CHRDL2: variants seen among roughly 807,000 people sequenced by gnomAD.
CHRDL2 encodes the protein chordin like 2.
CHRDL2 carries 41 observed loss-of-function variants against 54.3 expected under a neutral mutation model. The observed-to-expected ratio is 0.76, with a 90% CI of 0.59 to 0.98. The LOEUF (loss-of-function observed/expected upper bound fraction) is 0.98. Ranked by LOEUF, CHRDL2 falls within the 50% of genes least tolerant of loss-of-function variation. The pLI is 0.00. For missense variants in CHRDL2, 518 were observed against 562.4 expected, an observed-to-expected ratio of 0.92 and a Z score of 0.80; for synonymous variants, 220 against 224.3, an observed-to-expected ratio of 0.98 and a Z score of 0.17.
intron 6 of CHRDL2, among the ~76,000 whole-genome samples, chr11:74,705,297 T>G (rs1565150346): frequency 6.6e-6 from 1 of 152,186 alleles, no homozygotes; most frequent in Middle Eastern, 3.4e-3. Context: ...AGCTCAGAGT[T>G]TGGGGACTGG....
At chr11:74,727,220 G>T (rs1311991662) in intron 1 of CHRDL2, among the ~76,000 whole-genome samples, 1 of 152,192 alleles carries the variant, frequency 6.6e-6, no homozygotes, top group African/African-American at 2.4e-5. Flanking sequence ...CAGGGTCACA[G>T]TTGGAATTGA....
intron 2 of CHRDL2, 147 bp downstream of exon 2, chr11:74,718,573 A>G: frequency 1.6e-6 from 1 of 610,710 alleles, no homozygotes; most frequent in Non-Finnish European, 2.9e-6. Flanking sequence ...TATATTGAGT[A>G]GTCAGTAGTG....
In CHRDL2 at chr11:74,713,476, C is replaced by T. The variant is rs200485801; in HGVS notation, c.199G>A (p.Ala67Thr). The T allele has an allele frequency of 1.6e-4, 255 of 1,613,722 alleles. No homozygotes were observed. Among genetic ancestry groups the T allele is most frequent in the Non-Finnish European group, 1.9e-4 (220 of 1,179,794 alleles). The change falls in exon 3 of 11, where the codon GCC becomes ACC. Residue 67 changes from alanine (A) to threonine (T), a missense_variant. Ala to Thr is a moderately conservative substitution (Grantham distance 58, BLOSUM62 0). Transcript: ENST00000376332. ...TGGAGGCGGTAACAACTCACATGGG[C>T]GCCCTGAAGGGGACACAAGGGTCAG... ...YCLRCTCSEGAHVSCYRLHCP... is the reference protein window; with the variant it reads ...YCLRCTCSEGTHVSCYRLHCP...
intron 5 of CHRDL2, among the ~76,000 whole-genome samples, chr11:74,707,370 C>T (rs1440363464): frequency 1.3e-5 from 2 of 152,230 alleles, no homozygotes. Flanking sequence ...CACTCCCCTA[C>T]CTGAGTGCCA....
chr11:74,705,191 T>G (rs1484035751), intron 6 of CHRDL2, among the ~76,000 whole-genome samples: 1 of 152,094 alleles, frequency 6.6e-6, no homozygotes, highest in Non-Finnish European at 1.5e-5. Flanking sequence ...AGGCTCTCTT[T>G]CCTGAACCCC....
chr11:74,698,017 C>A (rs2033660012), intron 9 of CHRDL2, among the ~76,000 whole-genome samples: 1 of 152,006 alleles, frequency 6.6e-6, no homozygotes, highest in African/African-American at 2.4e-5. Flanking sequence ...AAATGCCGTT[C>A]CCTCTGCTGG....
chr11:74,730,939 G>C lies in CHRDL2; in HGVS notation c.-51C>G. 7 of 1,489,868 alleles carry C rather than the reference G, an allele frequency of 4.7e-6. No homozygotes were observed. Among genetic ancestry groups the C allele is most frequent in the Non-Finnish European group, 5.5e-6 (6 of 1,090,564 alleles). 92.3% of individuals were successfully genotyped at this position (1,489,868 alleles called of 1,614,324 possible). ...TCCGGGAGCGGAGTCGGGAGGAAGG[G>C]AGACGAAAAGGACACGGAGGCACAG... On this transcript the variant is annotated 5_prime_UTR_variant, in exon 1 of 11. Transcript: ENST00000376332.
chr11:74,701,414 G>A, intron 9 of CHRDL2: 1 of 526,386 alleles, frequency 1.9e-6, no homozygotes, highest in Non-Finnish European at 3.5e-6. Context: ...CCTCTGCCTG[G>A]GACAGCCCTT....
rs991028937 is a variant in CHRDL2, at chr11:74,731,106, C to T, written c.-218G>A. Reference sequence around the variant, plus strand: ...AGAAGAGAAAGGTGGAAAGAGAACGCGGGGAAAGGAGGGAGAGATGGAGAG... The same window carrying T: ...AGAAGAGAAAGGTGGAAAGAGAACGTGGGGAAAGGAGGGAGAGATGGAGAG... On this transcript the variant is annotated 5_prime_UTR_variant, in exon 1 of 11. Coordinates refer to ENST00000376332, the MANE Select transcript of CHRDL2 (RefSeq NM_001278473.3). This position sits in a 1 kb window ranked among gnomAD's most constrained non-coding sequence, Gnocchi z 4.4. The T allele has an allele frequency of 2.5e-4, 135 of 550,894 alleles. No homozygotes were observed. Among genetic ancestry groups the T allele is most frequent in the African/African-American group, 1.8e-3 (91 of 51,932 alleles). 34.1% of individuals were successfully genotyped at this position (550,894 alleles called of 1,614,324 possible).
intron 9 of CHRDL2, chr11:74,698,321 G>C (rs1329507081): frequency 6.6e-6 from 1 of 150,584 alleles, no homozygotes; most frequent in Non-Finnish European, 1.5e-5. Context: ...ACCTGCCTTG[G>C]CCTCCCAAAG....
chr11:74,721,511 C>T (rs907812689), intron 1 of CHRDL2, among the ~76,000 whole-genome samples: 2 of 152,250 alleles, frequency 1.3e-5, no homozygotes, highest in Non-Finnish European at 2.9e-5. Flanking sequence ...TGGCCACAAT[C>T]CCCACCCCAC....
chr11:74,707,594 G>A (rs934930414), intron 5 of CHRDL2, among the ~76,000 whole-genome samples: 6 of 152,126 alleles, frequency 3.9e-5, no homozygotes, highest in Non-Finnish European at 7.4e-5. Flanking sequence ...AGGATGAGAC[G>A]TAGTCCTTAC....
chr11:74,719,907 T>G (rs1198014812), intron 1 of CHRDL2, among the ~76,000 whole-genome samples: 1 of 152,100 alleles, frequency 6.6e-6, no homozygotes, highest in Non-Finnish European at 1.5e-5. Flanking sequence ...TGCAGCCTTG[T>G]GCCCTGCCCC....
intron 7 of CHRDL2, 118 bp from the exon 8 acceptor site, chr11:74,703,617 G>T: frequency 2.4e-6 from 2 of 816,978 alleles, no homozygotes; most frequent in Non-Finnish European, 3.7e-6. Context: ...GTCCTGCCTA[G>T]CCACACTGCC....
intron 5 of CHRDL2, 105 bp downstream of exon 5, chr11:74,708,197 A>T: frequency 1.4e-6 from 1 of 733,146 alleles, no homozygotes; most frequent in Non-Finnish European, 2.1e-6. Flanking sequence ...GCCGTCTGCT[A>T]CATGCTGGGT....
At chr11:74,719,246 G>A in intron 1 of CHRDL2, 1 of 166,848 alleles carries the variant, frequency 6.0e-6, no homozygotes, top group Non-Finnish European at 1.3e-5. Flanking sequence ...CCAGTCTCCT[G>A]ACTCAGTCCC....
intron 3 of CHRDL2, among the ~76,000 whole-genome samples, chr11:74,712,447 G>A (rs2135259140): frequency 6.6e-6 from 1 of 152,282 alleles, no homozygotes; most frequent in South Asian, 2.1e-4. Context: ...TCAGCAAGGA[G>A]AGGTGAGGCC....
At chr11:74,722,068 G>A (rs1222767616) in intron 1 of CHRDL2, among the ~76,000 whole-genome samples, 1 of 152,182 alleles carries the variant, frequency 6.6e-6, no homozygotes, top group Non-Finnish European at 1.5e-5. Flanking sequence ...AGGCTCCAAA[G>A]TGGGTTAGGA....
In CHRDL2 at chr11:74,710,846, T is replaced by C. The variant is rs773331861; in HGVS notation, c.432+3A>G. The C allele has an allele frequency of 5.6e-6, 9 of 1,613,912 alleles. No individual in the cohort carries two copies. Among genetic ancestry groups the C allele is most frequent in the Middle Eastern group, 1.7e-4 (1 of 6,056 alleles). ...GTGCTGAAGGGAAGGCAGGAGTTCT[T>C]ACTGTGCAGCTGCAGAGGACACACT... On this transcript the variant is annotated splice_donor_region_variant and intron_variant, in intron 4 of 10. Transcript: ENST00000376332.
Sources: allele counts gnomAD v4.1 joint callset (sites outside exome capture counted in the v4.1 genomes callset), GRCh38; gene constraint gnomAD v4.1.1; non-coding constraint Gnocchi (gnomAD v3.1); transcripts MANE v1.5; gene names NCBI Gene and HGNC (gene_info 2026-07-23, HGNC 2026-07-21).